Variants in LUZP2 observed in about 807,000 individuals in gnomAD.
LUZP2 encodes the protein leucine zipper protein 2.
LUZP2 carries 52 observed loss-of-function variants against 51.6 expected under a neutral mutation model. That is an observed-to-expected ratio of 1.01 (90% CI 0.81 to 1.27). The LOEUF (loss-of-function observed/expected upper bound fraction) is 1.27. Among genes scored for constraint, LUZP2 ranks in the 50% most tolerant of loss-of-function variants. The pLI is 0.00. For synonymous variants in LUZP2, 154 were observed against 137.3 expected (o/e 1.12, Z -0.85); for missense variants, 436 against 395.4 (o/e 1.10, Z -0.87).
chr11:24,688,554 G>A (rs767186363), intron 1 of LUZP2, among the ~76,000 whole-genome samples: 4 of 141,806 alleles, frequency 2.8e-5, no homozygotes, highest in Non-Finnish European at 6.2e-5. Flanking sequence ...ATGATAAGCA[G>A]GCTACTATCC....
At chr11:24,806,274 G>A (rs1377788775) in intron 5 of LUZP2, among the ~76,000 whole-genome samples, 4 of 152,082 alleles carry the variant, frequency 2.6e-5, no homozygotes, top group Non-Finnish European at 5.9e-5. Context: ...AAATATTCGG[G>A]AATTTTGTGA....
intron 5 of LUZP2, among the ~76,000 whole-genome samples, chr11:24,807,672 C>T (rs1286992974): frequency 1.3e-5 from 2 of 151,916 alleles, no homozygotes; most frequent in African/African-American, 2.4e-5. Context: ...CAGCAAGTCC[C>T]ATTTTCATTC....
intron 1 of LUZP2, among the ~76,000 whole-genome samples, chr11:24,600,174 AACACACACACACACACACACAC>A (rs61439379): frequency 4.0e-4 from 58 of 144,274 alleles, no homozygotes; most frequent in Middle Eastern, 3.5e-3. Flanking sequence ...TGTAGATTAC[AACACACACACACACACACACAC>A]ACACACACAC....
intron 5 of LUZP2, among the ~76,000 whole-genome samples, chr11:24,904,454 T>C (rs1350805025): frequency 2.0e-5 from 3 of 151,858 alleles, no homozygotes; most frequent in African/African-American, 7.3e-5. Flanking sequence ...GGCTAATTTT[T>C]TTGTATTTTT....
intron 5 of LUZP2, among the ~76,000 whole-genome samples, chr11:24,840,359 C>G (rs536902973): frequency 1.3e-5 from 2 of 151,800 alleles, no homozygotes; most frequent in South Asian, 2.1e-4. Flanking sequence ...TGACACGTAC[C>G]AGATGGTTTT....
chr11:24,777,746 G>A (rs1848978380), intron 5 of LUZP2, among the ~76,000 whole-genome samples: 2 of 151,930 alleles, frequency 1.3e-5, no homozygotes, highest in Admixed American at 6.6e-5. Context: ...ACTAGTCTTT[G>A]ATATTATAGT....
intron 5 of LUZP2, among the ~76,000 whole-genome samples, chr11:24,778,631 T>C (rs1486701): frequency 0.72 from 109,847 of 151,676 alleles, 40,189 homozygotes; most frequent in East Asian, 0.86. Flanking sequence ...AAACAAACAA[T>C]CAATAAAGAA....
intron 5 of LUZP2, among the ~76,000 whole-genome samples, chr11:24,853,946 G>A (rs969310705): frequency 1.5e-4 from 23 of 152,268 alleles, no homozygotes; most frequent in African/African-American, 5.1e-4. Flanking sequence ...ATCACCAGTG[G>A]AGGCTGTAGA....
intron 1 of LUZP2, among the ~76,000 whole-genome samples, chr11:24,587,848 G>A (rs570180020): frequency 1.3e-5 from 2 of 151,942 alleles, no homozygotes; most frequent in African/African-American, 4.8e-5. Flanking sequence ...GGAAAAAAAG[G>A]CATATTATAC....
chr11:24,613,063 A>G lies in LUZP2; in HGVS notation c.62+115758A>G, dbSNP rs545095602. On this transcript the variant is annotated intron_variant, in intron 1 of 11. Transcript: ENST00000336930. ...AGAATTTCACAATAAACATTTAGAG[A>G]GAAGATCTTCTTCAGTAGCTATTTC... is the stretch of plus-strand genomic sequence containing the variant. Among the ~76,000 whole-genome samples, 6 of 152,250 alleles carry G rather than the reference A, an allele frequency of 3.9e-5. No homozygotes were observed. The South Asian group carries it at 1.2e-3, about 32-fold the overall frequency.
chr11:25,042,165 A>G (rs188299467), intron 9 of LUZP2, among the ~76,000 whole-genome samples: 2 of 152,276 alleles, frequency 1.3e-5, no homozygotes, highest in African/African-American at 4.8e-5. Flanking sequence ...TGCACAGACT[A>G]TGGAAAAAAT....
chr11:24,775,435 A>G (rs1197286945), intron 5 of LUZP2, among the ~76,000 whole-genome samples: 1 of 152,188 alleles, frequency 6.6e-6, no homozygotes, highest in Non-Finnish European at 1.5e-5. Context: ...AGCCAATCCA[A>G]TTGTTACAGC....
intron 1 of LUZP2, among the ~76,000 whole-genome samples, chr11:24,572,619 G>A (rs1852480197): frequency 6.6e-6 from 1 of 151,926 alleles, no homozygotes; most frequent in Admixed American, 6.6e-5. Flanking sequence ...AAGGATAGTG[G>A]CATACAAAAG....
chr11:25,080,045 T>C lies in LUZP2; in HGVS notation c.*1387T>C, dbSNP rs1384367006. 1 of 152,198 alleles carries C rather than the reference T, an allele frequency of 6.6e-6. No individual in the cohort carries two copies. The highest frequency in any genetic ancestry group is 2.4e-5 in the African/African-American group (1 of 41,464). 9.4% of individuals were successfully genotyped at this position (152,198 alleles called of 1,614,324 possible). On this transcript the variant is annotated 3_prime_UTR_variant, in exon 12 of 12. Transcript: ENST00000336930. ...TGGAAAATATCGTTAGCTGTAAAAG[T>C]AATATTATGACATATTTATGTAGCA...
intron 7 of LUZP2, among the ~76,000 whole-genome samples, chr11:24,930,590 C>A (rs1276666812): frequency 6.6e-6 from 1 of 152,146 alleles, no homozygotes; most frequent in Non-Finnish European, 1.5e-5. Flanking sequence ...GCTAAGAAAT[C>A]TGTTGTTAAT....
intron 10 of LUZP2, among the ~76,000 whole-genome samples, chr11:25,058,642 G>A (rs1041147378): frequency 2.6e-5 from 4 of 152,142 alleles, no homozygotes; most frequent in Non-Finnish European, 5.9e-5. Context: ...GAGGGCAAAG[G>A]CTATAAAAAT....
intron 5 of LUZP2, among the ~76,000 whole-genome samples, chr11:24,882,353 G>A (rs974438523): frequency 1.4e-5 from 2 of 147,410 alleles, no homozygotes; most frequent in African/African-American, 2.7e-5. Context: ...GTTCTGATAT[G>A]CTCCTTTCTC....
chr11:24,998,495 G>T (rs923384165), intron 9 of LUZP2, among the ~76,000 whole-genome samples: 1 of 152,130 alleles, frequency 6.6e-6, no homozygotes, highest in Non-Finnish European at 1.5e-5. Context: ...TGCTGAAGTT[G>T]CTTATCAGCT....
chr11:25,027,812 G>C (rs1857536648), intron 9 of LUZP2, among the ~76,000 whole-genome samples: 1 of 150,780 alleles, frequency 6.6e-6, no homozygotes, highest in Non-Finnish European at 1.5e-5. Context: ...AGAGGTTGCA[G>C]TGAGCTGAGA....
Sources: gnomAD v4.1 joint callset for allele counts (sites outside exome capture counted in the v4.1 genomes callset) on GRCh38, gnomAD v4.1.1 for gene constraint, MANE v1.5 for transcripts, NCBI Gene and HGNC (gene_info 2026-07-23, HGNC 2026-07-21) for gene names.